KIAA1549: variants seen among roughly 807,000 people sequenced by gnomAD.
KIAA1549 encodes KIAA1549, also known as UPF0606 protein KIAA1549.
In KIAA1549, 70 loss-of-function variants were observed where a neutral mutation model predicts 156.4. That is an observed-to-expected ratio of 0.45 (90% CI 0.37 to 0.55). The LOEUF (loss-of-function observed/expected upper bound fraction) is 0.55. Ranked by LOEUF, KIAA1549 falls within the 20% of genes least tolerant of loss-of-function variation. The pLI is 0.00. For synonymous variants in KIAA1549, 1,103 were observed against 1,066.4 expected (o/e 1.03, Z -0.67); for missense variants, 2,428 against 2,540.9 (o/e 0.96, Z 0.96).
At chr7:138,892,542 TAACAAG>T (rs1811572749) in intron 10 of KIAA1549, among the ~76,000 whole-genome samples, 1 of 152,158 alleles carries the variant, frequency 6.6e-6, no homozygotes, top group Non-Finnish European at 1.5e-5. Flanking sequence ...TTCACCAGTA[TAACAAG>T]AACAACAAAA....
Position 138,919,237 on chromosome 7 carries a change from T to C in KIAA1549, c.389A>G (p.Lys130Arg), listed in dbSNP as rs746575392. 4 of 1,613,876 alleles carry C rather than the reference T, an allele frequency of 2.5e-6. No individual in the cohort carries two copies. The highest frequency in any genetic ancestry group is 3.3e-5 in the Admixed American group (2 of 60,010). Reference sequence around the variant, plus strand: ...AAAGATGCTGGGATCTGCTGTACTTTTGGTCTGTTTTCCTTGGTTAAAAAA... The same window carrying C: ...AAAGATGCTGGGATCTGCTGTACTTCTGGTCTGTTTTCCTTGGTTAAAAAA... ...TAFFNQGKQT[K>R]STADPSIFVA... Residue 130 changes from lysine (K) to arginine (R), a missense_variant, in exon 2 of 20, where the codon AAA (lysine) becomes AGA (arginine). Physicochemically the swap from Lys to Arg is conservative, Grantham distance 26 (BLOSUM62 2). Transcript: ENST00000422774.
intron 15 of KIAA1549, among the ~76,000 whole-genome samples, chr7:138,864,359 G>GT (rs1810673993): frequency 6.6e-6 from 1 of 152,158 alleles, no homozygotes; most frequent in Admixed American, 6.5e-5. Context: ...GGGAAGGACA[G>GT]TCCCCTTGGA....
intron 1 of KIAA1549, among the ~76,000 whole-genome samples, chr7:138,923,330 G>GT (rs1166286668): frequency 6.6e-6 from 1 of 152,262 alleles, no homozygotes; most frequent in East Asian, 1.9e-4. Context: ...GCCAGACGTG[G>GT]TGGCTCACGC....
rs1260115808 is a variant in KIAA1549, at chr7:138,919,339, T to G, written c.287A>C (p.Glu96Ala). The G allele has an allele frequency of 6.2e-7, 1 of 1,613,910 alleles. No individual in the cohort carries two copies. Among genetic ancestry groups the G allele is most frequent in the South Asian group, 1.1e-5 (1 of 91,090 alleles). The change falls in exon 2 of 20, where the codon GAA becomes GCA. Residue 96 changes from glutamate (E) to alanine (A), a missense_variant. Physicochemically the swap from Glu to Ala is moderately radical, Grantham distance 107. Transcript: ENST00000422774. ...GCTGTGCTGGGAGCCGGGAGCAGTT[T>G]CTGTTAAGGCCACTTGTGCAGCGCT... ...GHSAAQVALT[E>A]TAPGSQHSSP...
At chr7:138,972,993 TG>T (rs1814265040) in intron 1 of KIAA1549, among the ~76,000 whole-genome samples, 1 of 152,118 alleles carries the variant, frequency 6.6e-6, no homozygotes, top group Non-Finnish European at 1.5e-5. Context: ...GGCTAATTTT[TG>T]TATTTTTAGT....
At chr7:138,897,299 A>G (rs908242102) in intron 9 of KIAA1549, among the ~76,000 whole-genome samples, 4 of 152,202 alleles carry the variant, frequency 2.6e-5, no homozygotes, top group Non-Finnish European at 5.9e-5. Context: ...CAAATTGCCA[A>G]TGGTTATTTG....
At position 138,919,083 on chromosome 7, in the gene KIAA1549, G is replaced by A. The variant is rs754186597; in HGVS notation, c.543C>T (p.Ser181=). Reference sequence around the variant, plus strand: ...ATGCTTCCCTGGGCAGCCCTGGTGGGCTGACTGTGATATACTGTATTGGAG... The same window carrying A: ...ATGCTTCCCTGGGCAGCCCTGGTGGACTGACTGTGATATACTGTATTGGAG... ...MVSPIQYITV[S]PPGLPREALE... The change falls in exon 2 of 20, where the codon AGC becomes AGT. Residue 181 remains serine, a synonymous_variant. Coordinates refer to ENST00000422774, the MANE Select transcript of KIAA1549 (RefSeq NM_001164665.2). The A allele has an allele frequency of 2.5e-6, 4 of 1,614,012 alleles. No homozygotes were observed. The Admixed American group carries it at 6.7e-5, about 27-fold the overall frequency.
At position 138,899,019 on chromosome 7, in the gene KIAA1549, G is replaced by A. The variant is rs375104518; in HGVS notation, c.3783C>T (p.Asn1261=). The A allele has an allele frequency of 8.9e-5, 143 of 1,613,838 alleles. No individual in the cohort carries two copies. The Middle Eastern group carries it at 2.8e-3, about 32-fold the overall frequency. The change falls in exon 9 of 20, where the codon AAC becomes AAT. Residue 1261 remains asparagine, a synonymous_variant. Coordinates refer to ENST00000422774, the MANE Select transcript of KIAA1549 (RefSeq NM_001164665.2). ...LSAVKSSDLI[N]KMDLQRAAII... ...TGGCTGCTCTCTGGAGGTCCATTTTGTTAATCAGGTCCGAAGACTTGACTG... is the reference window on the plus strand; with the variant it reads ...TGGCTGCTCTCTGGAGGTCCATTTTATTAATCAGGTCCGAAGACTTGACTG...
chr7:138,832,653 CCTAA>C lies in KIAA1549; in HGVS notation c.*5249_*5252del, dbSNP rs1205157839. ...TGCTTCTGTCACTTTCTTACTGGCT[CCTAA>C]CTTTGTTTCATGTTTCCAAAGGCAT... On this transcript the variant is annotated 3_prime_UTR_variant, in exon 20 of 20. Transcript: ENST00000422774. 7 of 215,036 alleles carry C rather than the reference CCTAA, an allele frequency of 3.3e-5. No homozygotes were observed. The highest frequency in any genetic ancestry group is 5.9e-5 in the Admixed American group (1 of 17,080). 13.3% of individuals were successfully genotyped at this position (215,036 alleles called of 1,614,324 possible). A position where few individuals can be genotyped will look rare whatever the true frequency, so the allele number is the denominator to read the frequency against.
chr7:138,860,376 G>A (rs1404454104), intron 16 of KIAA1549, among the ~76,000 whole-genome samples: 1 of 152,158 alleles, frequency 6.6e-6, no homozygotes, highest in Non-Finnish European at 1.5e-5. Flanking sequence ...TTTACCATAT[G>A]TCTATTGCCA....
At chr7:138,886,270 G>A (rs1811388081) in intron 10 of KIAA1549, among the ~76,000 whole-genome samples, 1 of 152,014 alleles carries the variant, frequency 6.6e-6, no homozygotes, top group Non-Finnish European at 1.5e-5. Context: ...TTAGGTCTGT[G>A]ACCTAAGGTC....
intron 17 of KIAA1549, among the ~76,000 whole-genome samples, chr7:138,846,910 G>A (rs1399171457): frequency 6.6e-6 from 1 of 152,124 alleles, no homozygotes; most frequent in Non-Finnish European, 1.5e-5. Flanking sequence ...TGAAACCCAG[G>A]CTACCTATGT....
intron 1 of KIAA1549, among the ~76,000 whole-genome samples, chr7:138,926,280 TTTTC>T (rs779545087): frequency 6.1e-5 from 9 of 147,344 alleles, no homozygotes; most frequent in Non-Finnish European, 1.0e-4. Context: ...ACTTTTTCCT[TTTTC>T]TTTTTCTTTT....
chr7:138,922,576 A>G (rs1812595018), intron 1 of KIAA1549, among the ~76,000 whole-genome samples: 1 of 152,104 alleles, frequency 6.6e-6, no homozygotes, highest in South Asian at 2.1e-4. Flanking sequence ...AGAGACTATA[A>G]AAGTTGGCCA....
Position 138,871,202 on chromosome 7 carries a change from G to A in KIAA1549, c.4506C>T (p.Pro1502=), listed in dbSNP as rs930998056. 1 of 1,613,324 alleles carries A rather than the reference G, an allele frequency of 6.2e-7. No individual in the cohort carries two copies. Among genetic ancestry groups the A allele is most frequent in the Non-Finnish European group, 8.5e-7 (1 of 1,179,894 alleles). Residue 1502 remains proline (P), a synonymous_variant, in exon 13 of 20, where the codon CCC becomes CCT. Coordinates refer to ENST00000422774, the MANE Select transcript of KIAA1549 (RefSeq NM_001164665.2). ...TTTCCGCCACTCGGTCGGCTGGGGAGGGGCGCTGGACGGGAGGTGCCGGGA... is the reference window on the plus strand; with the variant it reads ...TTTCCGCCACTCGGTCGGCTGGGGAAGGGCGCTGGACGGGAGGTGCCGGGA... ...QPIPAPPVQR[P]SPADRVAESN...
chr7:138,928,254 TC>T (rs1479685734), intron 1 of KIAA1549, among the ~76,000 whole-genome samples: 1 of 150,986 alleles, frequency 6.6e-6, no homozygotes, highest in Non-Finnish European at 1.5e-5. Flanking sequence ...TGCCCATTTT[TC>T]TTTTGGGTTG....
chr7:138,870,896 CA>C (rs1399059197), intron 13 of KIAA1549, among the ~76,000 whole-genome samples: 1 of 152,194 alleles, frequency 6.6e-6, no homozygotes, highest in Admixed American at 6.5e-5. Flanking sequence ...CGGCTCAGTG[CA>C]AACTCCCCCT....
At chr7:138,960,686 A>G (rs905182244) in intron 1 of KIAA1549, among the ~76,000 whole-genome samples, 51 of 152,190 alleles carry the variant, frequency 3.4e-4, no homozygotes, top group African/African-American at 1.2e-3. Flanking sequence ...CAGACACCCC[A>G]GGCTGGAGCC....
rs1323849555 is a variant in KIAA1549 at position 138,871,192 on chromosome 7, C to T, written c.4516G>A (p.Asp1506Asn). The T allele has an allele frequency of 4.3e-6, 7 of 1,613,072 alleles. No individual in the cohort carries two copies. The highest frequency in any genetic ancestry group is 1.7e-5 in the Admixed American group (1 of 60,000). The change falls in exon 13 of 20, where the codon GAC becomes AAC. Residue 1506 changes from aspartate to asparagine, a missense_variant. Physicochemically the swap from Asp to Asn is conservative, Grantham distance 23. Around this residue, in one of 5 missense-constraint regions of KIAA1549, gnomAD observed 404 missense variants for 417.0 expected, o/e 0.97. Coordinates refer to ENST00000422774, the MANE Select transcript of KIAA1549 (RefSeq NM_001164665.2). ...ATTTTATTGCTTTCCGCCACTCGGT[C>T]GGCTGGGGAGGGGCGCTGGACGGGA... ...APPVQRPSPA[D>N]RVAESNKINK...
Sources: allele counts gnomAD v4.1 joint callset (sites outside exome capture counted in the v4.1 genomes callset), GRCh38; gene constraint gnomAD v4.1.1; regional missense constraint gnomAD v4.1.1; transcripts MANE v1.5; gene names NCBI Gene and HGNC (gene_info 2026-07-23, HGNC 2026-07-21).